MDM4: variants seen among roughly 807,000 people sequenced by gnomAD.
MDM4 encodes MDM4 regulator of p53.
A neutral mutation model predicts 60.2 loss-of-function variants in MDM4; 2 were observed. The ratio of observed to expected loss-of-function variants is 0.03; its 90% CI spans 0.01 to 0.10. The LOEUF (loss-of-function observed/expected upper bound fraction) is 0.10, where lower values mean the gene tolerates loss of function less well. Among genes scored for constraint, MDM4 ranks in the 10% least tolerant of loss-of-function variants. MDM4 has a pLI of 1.00. For synonymous variants in MDM4, 202 were observed against 198.1 expected, an observed-to-expected ratio of 1.02 and a Z score of -0.17; for missense variants, 447 against 577.5, an observed-to-expected ratio of 0.77 and a Z score of 2.32.
chr1:204,521,536 C>T (rs1017076211), intron 1 of MDM4, among the ~76,000 whole-genome samples: 36 of 152,174 alleles, frequency 2.4e-4, no homozygotes, highest in African/African-American at 8.4e-4. Flanking sequence ...GGCAACTGCA[C>T]CTCCCTCTCC....
At chr1:204,540,069 C>T (rs1289281173) in intron 7 of MDM4, among the ~76,000 whole-genome samples, 1 of 151,404 alleles carries the variant, frequency 6.6e-6, no homozygotes, top group Non-Finnish European at 1.5e-5. Flanking sequence ...ATCACGAGGT[C>T]AGGAGATTGA....
chr1:204,550,339 A>AT lies in MDM4; in HGVS notation c.*663dup, dbSNP rs932708024. 4.5e-6 allele frequency: 1 copy of AT among 220,476 alleles called. No individual in the cohort carries two copies. The highest frequency in any genetic ancestry group is 2.2e-5 in the African/African-American group (1 of 44,476). The allele number at this position is 220,476 out of a possible 1,614,324, so 13.7% of individuals were successfully genotyped here. A position where few individuals can be genotyped will look rare whatever the true frequency, so the allele number is the denominator to read the frequency against. ...TAGACTAGCATAACCACACTGGCTA[A>AT]TTTTTTGTGGAGATGAAGTCTCACT... is the stretch of plus-strand genomic sequence containing the variant. On this transcript the variant is annotated 3_prime_UTR_variant, in exon 11 of 11. Transcript: ENST00000367182.
intron 1 of MDM4, among the ~76,000 whole-genome samples, chr1:204,520,823 C>T (rs1659500083): frequency 6.6e-6 from 1 of 152,104 alleles, no homozygotes; most frequent in Non-Finnish European, 1.5e-5. Context: ...TGGCAGTGAG[C>T]TATGTTTGTG....
Position 204,525,580 on chromosome 1 carries a change from C to G in MDM4, c.62C>G (p.Pro21Arg), listed in dbSNP as rs2102314425. 1.9e-6 allele frequency: 3 copies of G among 1,594,582 alleles called. No individual in the cohort carries two copies. The highest frequency in any genetic ancestry group is 8.6e-7 in the Non-Finnish European group (1 of 1,169,494). Residue 21 changes from proline (P) to arginine (R), a missense_variant, in exon 2 of 11, where the codon CCT becomes CGT. Transcript: ENST00000367182. ...STSDSACRIS[P>R]GQINQVRPKL... Reference sequence around the variant, plus strand: ...TCTGACAGTGCTTGCAGGATCTCTCCTGGACAAATCAATCAGGTAAATCAT... The same window carrying G: ...TCTGACAGTGCTTGCAGGATCTCTCGTGGACAAATCAATCAGGTAAATCAT...
intron 3 of MDM4, among the ~76,000 whole-genome samples, chr1:204,530,367 A>G (rs922522446): frequency 2.0e-5 from 3 of 152,234 alleles, no homozygotes; most frequent in Admixed American, 6.5e-5. Context: ...CTAGTAATAG[A>G]ATAGACTTCT....
chr1:204,525,592 A>G lies in MDM4; in HGVS notation c.74A>G (p.Asn25Ser). ...SACRISPGQI[N>S]QVRPKLPLLK... ...TGCAGGATCTCTCCTGGACAAATCA[A>G]TCAGGTAAATCATTTTCGGTATTTC... The change falls in exon 2 of 11, where the codon AAT becomes AGT. Residue 25 changes from asparagine to serine, a missense_variant. Asn to Ser is a conservative substitution (Grantham distance 46, BLOSUM62 1). This residue lies in a region of MDM4 where 33 missense variants were observed against 28.8 expected (regional missense o/e 1.15). Coordinates refer to ENST00000367182, the MANE Select transcript of MDM4 (RefSeq NM_002393.5). 6.4e-7 allele frequency: 1 copy of G among 1,566,500 alleles called. No individual in the cohort carries two copies. Among genetic ancestry groups the G allele is most frequent in the Non-Finnish European group, 8.7e-7 (1 of 1,152,672 alleles).
chr1:204,553,850 A>T lies in MDM4; in HGVS notation c.*4168A>T, dbSNP rs79197086. 1,143 of 221,136 alleles carry T rather than the reference A, an allele frequency of 5.2e-3. 13 individuals carry two copies. Among genetic ancestry groups the T allele is most frequent in the African/African-American group, 0.024 (1,062 of 44,826 alleles). 13.7% of individuals were successfully genotyped at this position (221,136 alleles called of 1,614,324 possible). A position where few individuals can be genotyped will look rare whatever the true frequency, so the allele number is the denominator to read the frequency against. ...GACCAGATCTTTAATATGGTATGCC[A>T]TTTCCCCAGTCTACCAATGGAATAG... On this transcript the variant is annotated 3_prime_UTR_variant, in exon 11 of 11. Coordinates refer to ENST00000367182, the MANE Select transcript of MDM4 (RefSeq NM_002393.5).
At chr1:204,520,386 T>A (rs922243865) in intron 1 of MDM4, among the ~76,000 whole-genome samples, 29 of 144,388 alleles carry the variant, frequency 2.0e-4, no homozygotes, top group Non-Finnish European at 3.5e-4. Flanking sequence ...TTTTTTTTTT[T>A]AATAATTAAG....
chr1:204,517,086 C>G (rs1348347721), intron 1 of MDM4, among the ~76,000 whole-genome samples: 3 of 151,934 alleles, frequency 2.0e-5, no homozygotes, highest in East Asian at 3.9e-4. Context: ...AGTAAAAATA[C>G]AAAAATATTA....
In MDM4 at chr1:204,551,397, G is replaced by T. The variant is rs1261161328; in HGVS notation, c.*1715G>T. ...ATTTTTTTTGATCCTTTTGTTTAGT[G>T]CCTCTGGAGCTGCTTACACCAAGGC... On this transcript the variant is annotated 3_prime_UTR_variant, in exon 11 of 11. Coordinates refer to ENST00000367182, the MANE Select transcript of MDM4 (RefSeq NM_002393.5). 1.3e-5 allele frequency: 3 copies of T among 222,918 alleles called. No individual in the cohort carries two copies. Among genetic ancestry groups the T allele is most frequent in the African/African-American group, 7.0e-5 (3 of 43,162 alleles). 13.8% of individuals were successfully genotyped at this position (222,918 alleles called of 1,614,324 possible).
At chr1:204,544,435 T>C in intron 8 of MDM4, 100 bp from the exon 9 acceptor site, 1 of 1,142,574 alleles carries the variant, frequency 8.8e-7, no homozygotes, top group Non-Finnish European at 1.2e-6. Flanking sequence ...TCTTTGGCGA[T>C]GTAGTGTGAC....
intron 3 of MDM4, chr1:204,529,603 T>A: frequency 1.6e-6 from 2 of 1,262,594 alleles, no homozygotes. Context: ...CCTCCACTAC[T>A]GGGGGGGGTC....
chr1:204,555,259 A>G lies in MDM4; in HGVS notation c.*5577A>G, dbSNP rs1663462203. 1 of 170,022 alleles carries G rather than the reference A, an allele frequency of 5.9e-6. No individual in the cohort carries two copies. The highest frequency in any genetic ancestry group is 1.1e-4 in the East Asian group (1 of 9,264). 10.5% of individuals were successfully genotyped at this position (170,022 alleles called of 1,614,324 possible). On this transcript the variant is annotated 3_prime_UTR_variant, in exon 11 of 11. Transcript: ENST00000367182. ...AACCTCCGCCTCCCGGGTTCACCCCATTCTCCTGCCTCAGCCTCCCTAGTA... is the reference window on the plus strand; with the variant it reads ...AACCTCCGCCTCCCGGGTTCACCCCGTTCTCCTGCCTCAGCCTCCCTAGTA...
intron 4 of MDM4, among the ~76,000 whole-genome samples, chr1:204,531,338 T>A (rs1199550133): frequency 1.3e-5 from 2 of 152,158 alleles, no homozygotes; most frequent in Non-Finnish European, 2.9e-5. Context: ...GAGAGAAATG[T>A]AGAATTGCTG....
At position 204,555,248 on chromosome 1, in the gene MDM4, G is replaced by A. The variant is rs561516114; in HGVS notation, c.*5566G>A. On this transcript the variant is annotated 3_prime_UTR_variant, in exon 11 of 11. Transcript: ENST00000367182. ...CGGCTCACTGCAACCTCCGCCTCCC[G>A]GGTTCACCCCATTCTCCTGCCTCAG... The A allele has an allele frequency of 3.9e-3, 680 of 172,328 alleles. 2 individuals are homozygous for A. Among genetic ancestry groups the A allele is most frequent in the Middle Eastern group, 0.018 (8 of 438 alleles). The allele number at this position is 172,328 out of a possible 1,614,324, so 10.7% of individuals were successfully genotyped here. A position where few individuals can be genotyped will look rare whatever the true frequency, so the allele number is the denominator to read the frequency against.
chr1:204,547,997 C>T (rs1407433251), intron 10 of MDM4, among the ~76,000 whole-genome samples: 1 of 152,250 alleles, frequency 6.6e-6, no homozygotes, highest in Non-Finnish European at 1.5e-5. Flanking sequence ...GCTGGGATTA[C>T]AGGCGTGAGC....
In MDM4 at chr1:204,550,811, G is replaced by T. The variant is rs556401804; in HGVS notation, c.*1129G>T. On this transcript the variant is annotated 3_prime_UTR_variant, in exon 11 of 11. Transcript: ENST00000367182. Reference sequence around the variant, plus strand: ...AGCCTCCCAAAGTGTTGGGCTTACAGCCTTGAGCCACTATGCTTGGCTCAA... The same window carrying T: ...AGCCTCCCAAAGTGTTGGGCTTACATCCTTGAGCCACTATGCTTGGCTCAA... The T allele has an allele frequency of 5.6e-6, 1 of 177,692 alleles. No individual in the cohort carries two copies. The highest frequency in any genetic ancestry group is 2.4e-5 in the African/African-American group (1 of 42,388). The allele number at this position is 177,692 out of a possible 1,614,324, so 11.0% of individuals were successfully genotyped here.
intron 3 of MDM4, chr1:204,529,605 G>C: frequency 7.9e-7 from 1 of 1,265,476 alleles, no homozygotes; most frequent in Non-Finnish European, 1.1e-6. Context: ...TCCACTACTG[G>C]GGGGGGTCCA....
intron 10 of MDM4, among the ~76,000 whole-genome samples, chr1:204,548,229 G>T (rs1010782617): frequency 1.3e-5 from 2 of 152,194 alleles, no homozygotes; most frequent in African/African-American, 2.4e-5. Flanking sequence ...TTGATTATTT[G>T]TATAGCATTT....
Sources: gnomAD v4.1 joint callset for allele counts (sites outside exome capture counted in the v4.1 genomes callset) on GRCh38, gnomAD v4.1.1 for gene constraint, gnomAD v4.1.1 regional missense constraint, MANE v1.5 for transcripts, NCBI Gene and HGNC (gene_info 2026-07-23, HGNC 2026-07-21) for gene names.